The following ARSG variants were observed in gnomAD, a reference collection of about 807,000 sequenced individuals.
The protein encoded by ARSG is arylsulfatase G.
Under a neutral mutation model 50.5 loss-of-function variants are expected in ARSG, and 37 were observed. The observed-to-expected ratio is 0.73, with a 90% CI of 0.56 to 0.96. ARSG has a LOEUF of 0.96. Among genes scored for constraint, ARSG ranks in the 50% least tolerant of loss-of-function variants. The pLI is 0.00. For missense variants in ARSG, 629 were observed against 675.3 expected (o/e 0.93, Z 0.76); for synonymous variants, 225 against 254.6 (o/e 0.88, Z 1.11).
At chr17:68,315,524 C>G (rs2077035289) in intron 2 of ARSG, among the ~76,000 whole-genome samples, 1 of 150,850 alleles carries the variant, frequency 6.6e-6, no homozygotes, top group Non-Finnish European at 1.5e-5. Flanking sequence ...GAAATCCTGT[C>G]TCAAAAAAAA....
intron 11 of ARSG, among the ~76,000 whole-genome samples, chr17:68,405,745 TTATTAATA>T: frequency 6.6e-6 from 1 of 152,308 alleles, no homozygotes; most frequent in Admixed American, 6.5e-5. Flanking sequence ...ATTGAAACTT[TTATTAATA>T]TATTATGTCC....
the ARSG span, among the ~76,000 whole-genome samples, chr17:68,442,161 T>C: frequency 6.6e-6 from 1 of 152,102 alleles, no homozygotes. Context: ...CTATATTTGC[T>C]AAAAAATAAG....
In ARSG at chr17:68,399,153, G is replaced by A. The variant is rs1054561472; in HGVS notation, c.1213-2207G>A. Among the ~76,000 whole-genome samples the A allele has an allele frequency of 2.0e-5, 3 of 152,146 alleles. No individual in the cohort carries two copies. The highest frequency in any genetic ancestry group is 7.2e-5 in the African/African-American group (3 of 41,422). ...TCATCAAATGCTTGACACGCCCCTGGAGGCCATACATCGAGGAAACAAGCT... is the reference window on the plus strand; with the variant it reads ...TCATCAAATGCTTGACACGCCCCTGAAGGCCATACATCGAGGAAACAAGCT... On this transcript the variant is annotated intron_variant, in intron 10 of 11. Coordinates refer to ENST00000621439, the MANE Select transcript of ARSG (RefSeq NM_001267727.2). The surrounding 1 kb of genome is among the most constrained non-coding windows in gnomAD (Gnocchi z 4.6).
chr17:68,426,252 G>GGGGGGGGGGGT, downstream of ARSG: 6 of 828,188 alleles, frequency 7.2e-6, no homozygotes, highest in South Asian at 1.3e-5. Context: ...TGGGGAGCGG[G>GGGGGGGGGGGT]GGCTCAAATA....
chr17:68,280,370 C>A (rs1375622360), intron 1 of ARSG, among the ~76,000 whole-genome samples: 2 of 151,992 alleles, frequency 1.3e-5, no homozygotes, highest in Non-Finnish European at 2.9e-5. Context: ...GGAGGCATCA[C>A]ACTAACAGAC....
intron 2 of ARSG, among the ~76,000 whole-genome samples, chr17:68,330,455 T>C (rs551107944): frequency 6.6e-6 from 1 of 152,046 alleles, no homozygotes; most frequent in Admixed American, 6.6e-5. Flanking sequence ...CATGAGCAGA[T>C]AGATGGAGAG....
At chr17:68,309,437 G>C (rs1348967713) in intron 2 of ARSG, among the ~76,000 whole-genome samples, 1 of 152,242 alleles carries the variant, frequency 6.6e-6, no homozygotes, top group Non-Finnish European at 1.5e-5. Context: ...AGCGAGCGAG[G>C]GCTGTGAGGA....
intron 1 of ARSG, among the ~76,000 whole-genome samples, chr17:68,294,693 G>A (rs938722650): frequency 4.6e-5 from 7 of 152,184 alleles, no homozygotes; most frequent in African/African-American, 1.7e-4. Context: ...CAAGTGACTT[G>A]TATGCCACTG....
chr17:68,265,397 C>T (rs1272575625), intron 1 of ARSG, among the ~76,000 whole-genome samples: 7 of 151,108 alleles, frequency 4.6e-5, no homozygotes, highest in Admixed American at 2.0e-4. Context: ...GGGAGGCTGA[C>T]GCAGGAGAAT....
At chr17:68,331,456 G>A (rs1392861546) in intron 2 of ARSG, among the ~76,000 whole-genome samples, 1 of 152,102 alleles carries the variant, frequency 6.6e-6, no homozygotes, top group Admixed American at 6.6e-5. Context: ...GTGTTAGCCA[G>A]GATGGTCTTG....
chr17:68,281,340 A>G (rs6501345), intron 1 of ARSG, among the ~76,000 whole-genome samples: 73,386 of 151,754 alleles, frequency 0.48, 19,381 homozygotes, highest in African/African-American at 0.7. Context: ...AGCCTGAGGC[A>G]GGTGGATCAT....
chr17:68,417,733 ATTTTTTTTTTTTTTTT>A (rs770292731), intron 11 of ARSG, among the ~76,000 whole-genome samples: 104 of 60,844 alleles, frequency 1.7e-3, no homozygotes, highest in African/African-American at 6.0e-3. Context: ...GAGTTGCTGA[ATTTTTTTTTTTTTTTT>A]TTTTTTTTTT....
intron 6 of ARSG, among the ~76,000 whole-genome samples, chr17:68,362,448 G>A (rs964461655): frequency 1.3e-5 from 2 of 151,948 alleles, no homozygotes; most frequent in African/African-American, 4.8e-5. Context: ...GCCTTGTGTG[G>A]TCACCACACA....
rs2076658909 is a variant in ARSG, at chr17:68,307,662, G to A, written c.169G>A (p.Glu57Lys). The A allele has an allele frequency of 1.2e-6, 2 of 1,610,740 alleles. No individual in the cohort carries two copies. Among genetic ancestry groups the A allele is most frequent in the Non-Finnish European group, 1.7e-6 (2 of 1,176,940 alleles). Reference protein sequence around the residue: ...GWGDLGANWAETKDTANLDKM... With the variant: ...GWGDLGANWAKTKDTANLDKM... ...GGGTGACCTGGGAGCAAACTGGGCAGAAACAAAGGACACTGCCAACCTTGA... is the reference window on the plus strand; with the variant it reads ...GGGTGACCTGGGAGCAAACTGGGCAAAAACAAAGGACACTGCCAACCTTGA... Residue 57 changes from glutamate to lysine, a missense_variant, in exon 2 of 12, where the codon GAA becomes AAA. Glu to Lys is a moderately conservative substitution (Grantham distance 56). Coordinates refer to ENST00000621439, the MANE Select transcript of ARSG (RefSeq NM_001267727.2).
downstream of ARSG, chr17:68,424,451 A>T (rs77279010): frequency 5.6e-5 from 30 of 534,634 alleles, no homozygotes; most frequent in Non-Finnish European, 1.0e-4. Flanking sequence ...TCCTTTTACA[A>T]TTGGAAGCTC....
intron 2 of ARSG, among the ~76,000 whole-genome samples, chr17:68,316,818 C>T (rs2077086548): frequency 6.6e-6 from 1 of 152,146 alleles, no homozygotes; most frequent in Admixed American, 6.5e-5. Flanking sequence ...CAATTCCCTC[C>T]TCTGGCTGGA....
intron 8 of ARSG, among the ~76,000 whole-genome samples, chr17:68,373,386 C>A (rs186294509): frequency 4.3e-4 from 65 of 151,390 alleles, no homozygotes; most frequent in Middle Eastern, 3.4e-3. Context: ...CCCACCACCA[C>A]ACCTGGCTGA....
At position 68,420,208 on chromosome 17, in the gene ARSG, TG is replaced by T. The variant is rs751461705; in HGVS notation, c.1326del (p.Ser443AlafsTer12). 5.6e-5 allele frequency: 91 copies of T among 1,613,982 alleles called. 1 individual carries two copies. The highest frequency in any genetic ancestry group is 6.5e-5 in the Non-Finnish European group (77 of 1,180,026). On this transcript the variant is annotated frameshift_variant, in exon 12 of 12. Transcript: ENST00000621439. LOFTEE classifies it low-confidence loss of function (END_TRUNC). Reference sequence around the variant, plus strand: ...CTCTAGGTGGAGCCAGGGCGTGTGATGGGAGCACGGGGCCTGAGCTGCAGCA... The same window carrying T: ...CTCTAGGTGGAGCCAGGGCGTGTGATGGAGCACGGGGCCTGAGCTGCAGCA... ...YITGGARACDGSTGPELQHKF... is the reference protein window; with the variant it reads ...YITGGARACDXSTGPELQHKF...
chr17:68,373,755 C>T (rs978802674), intron 8 of ARSG, among the ~76,000 whole-genome samples: 1 of 151,988 alleles, frequency 6.6e-6, no homozygotes, highest in Non-Finnish European at 1.5e-5. Flanking sequence ...ATGTATAGAT[C>T]TTTTTGGTCC....
Sources: allele counts gnomAD v4.1 joint callset (sites outside exome capture counted in the v4.1 genomes callset), GRCh38; gene constraint gnomAD v4.1.1; non-coding constraint Gnocchi (gnomAD v3.1); transcripts MANE v1.5; gene names NCBI Gene and HGNC (gene_info 2026-07-23, HGNC 2026-07-21).